EXOC2: variants seen among roughly 807,000 people sequenced by gnomAD.
EXOC2 encodes SEC5-like 1.
A neutral mutation model predicts 131.8 loss-of-function variants in EXOC2; 70 were observed. The observed-to-expected ratio is 0.53, with a 90% confidence interval of 0.44 to 0.65. EXOC2 has a LOEUF of 0.65. Among genes scored for constraint, EXOC2 ranks in the 30% least tolerant of loss-of-function variants. EXOC2 has a pLI of 0.00. For missense variants in EXOC2, 923 were observed against 1,108.6 expected, an observed-to-expected ratio of 0.83 and a Z score of 2.38; for synonymous variants, 411 against 398.4, an observed-to-expected ratio of 1.03 and a Z score of -0.38.
At chr6:511,331 G>A (rs964652467) in intron 23 of EXOC2, among the ~76,000 whole-genome samples, 1 of 152,000 alleles carries the variant, frequency 6.6e-6, no homozygotes, top group East Asian at 1.9e-4. Flanking sequence ...AGAAATAGCC[G>A]TAAAACCTTC....
chr6:599,854 G>GTT (rs11354127), intron 7 of EXOC2, among the ~76,000 whole-genome samples: 25 of 146,164 alleles, frequency 1.7e-4, no homozygotes, highest in Admixed American at 8.9e-4. Flanking sequence ...CATTTCCTAA[G>GTT]TTTTTTTTTT....
intron 2 of EXOC2, among the ~76,000 whole-genome samples, chr6:636,232 A>T (rs1762096745): frequency 6.6e-6 from 1 of 152,266 alleles, no homozygotes; most frequent in Admixed American, 6.5e-5. Flanking sequence ...CTGTGTGAGT[A>T]GATTTCTATG....
intron 11 of EXOC2, among the ~76,000 whole-genome samples, chr6:579,900 G>C (rs1429978479): frequency 1.3e-5 from 2 of 152,030 alleles, no homozygotes; most frequent in Non-Finnish European, 2.9e-5. Flanking sequence ...GAAAAAAACA[G>C]TTTCCATAAA....
At chr6:640,923 T>C (rs1180534875) in intron 1 of EXOC2, among the ~76,000 whole-genome samples, 1 of 151,856 alleles carries the variant, frequency 6.6e-6, no homozygotes, top group Non-Finnish European at 1.5e-5. Flanking sequence ...TAAAGTTTGA[T>C]ACCAAATTAA....
chr6:555,467 T>C (rs1757370619), intron 19 of EXOC2, among the ~76,000 whole-genome samples, 179 bp from the exon 20 acceptor site: 1 of 152,174 alleles, frequency 6.6e-6, no homozygotes, highest in Admixed American at 6.5e-5. Context: ...GACAGAAATA[T>C]ATATCCCAGC....
chr6:620,534 C>G (rs1761235617), intron 4 of EXOC2, among the ~76,000 whole-genome samples: 1 of 152,182 alleles, frequency 6.6e-6, no homozygotes, highest in African/African-American at 2.4e-5. Flanking sequence ...AGACACAGAT[C>G]ATTTGATAGG....
At chr6:667,900 T>C (rs1007903774) in intron 1 of EXOC2, among the ~76,000 whole-genome samples, 1 of 151,718 alleles carries the variant, frequency 6.6e-6, no homozygotes, top group African/African-American at 2.4e-5. Flanking sequence ...CATCCATCCA[T>C]CCATCCATCC....
intron 1 of EXOC2, among the ~76,000 whole-genome samples, chr6:647,909 C>T (rs1033456291): frequency 1.3e-5 from 2 of 151,992 alleles, no homozygotes; most frequent in East Asian, 3.9e-4. Context: ...GTCTGATCTA[C>T]TTTCTTATTT....
intron 6 of EXOC2, among the ~76,000 whole-genome samples, chr6:616,104 C>G (rs953146506): frequency 1.3e-5 from 2 of 152,158 alleles, no homozygotes; most frequent in African/African-American, 4.8e-5. Flanking sequence ...AAATTTGAAC[C>G]ATGTAATTCC....
intron 1 of EXOC2, among the ~76,000 whole-genome samples, chr6:688,739 T>A (rs146711232): frequency 9.3e-4 from 141 of 152,332 alleles, no homozygotes; most frequent in African/African-American, 3.2e-3. Flanking sequence ...CCACTCCTTG[T>A]ATATTCCCTA....
At chr6:645,572 G>C (rs1238493264) in intron 1 of EXOC2, among the ~76,000 whole-genome samples, 1 of 136,216 alleles carries the variant, frequency 7.3e-6, no homozygotes, top group Non-Finnish European at 1.6e-5. Flanking sequence ...TTTGCAATCT[G>C]ATAACAAAGG....
chr6:518,386 CAA>C (rs1260957726), intron 23 of EXOC2, among the ~76,000 whole-genome samples: 1 of 152,134 alleles, frequency 6.6e-6, no homozygotes, highest in Admixed American at 6.5e-5. Flanking sequence ...TTTCCATAAC[CAA>C]AAGTTTTTAA....
chr6:556,892 A>G (rs1430840119), intron 17 of EXOC2, among the ~76,000 whole-genome samples: 1 of 152,224 alleles, frequency 6.6e-6, no homozygotes, highest in Non-Finnish European at 1.5e-5. Context: ...TAATGAGTTT[A>G]TATTTTGAAT....
At chr6:534,433 CAG>C (rs34753404) in intron 22 of EXOC2, among the ~76,000 whole-genome samples, 336 of 147,382 alleles carry the variant, frequency 2.3e-3, no homozygotes, top group Admixed American at 2.4e-3. Context: ...GAGAGAGAGA[CAG>C]AGAGAGAGAG....
intron 23 of EXOC2, among the ~76,000 whole-genome samples, chr6:501,147 T>A (rs6597072): frequency 1.5e-4 from 7 of 47,902 alleles, no homozygotes; most frequent in African/African-American, 5.1e-4. Flanking sequence ...TCTATATATA[T>A]TATATATATC....
chr6:557,758 C>A (rs1476319464), intron 17 of EXOC2, among the ~76,000 whole-genome samples: 1 of 151,914 alleles, frequency 6.6e-6, no homozygotes, highest in Non-Finnish European at 1.5e-5. Flanking sequence ...GAGGGACCAG[C>A]CCTTTGAAGG....
At chr6:517,598 G>T (rs1242563950) in intron 23 of EXOC2, among the ~76,000 whole-genome samples, 5 of 152,110 alleles carry the variant, frequency 3.3e-5, no homozygotes, top group African/African-American at 1.2e-4. Context: ...ATAAGAAATA[G>T]ATTATGAAAA....
intron 26 of EXOC2, 28 bp downstream of exon 26, chr6:491,077 AACCTTTATTTTTAATAGAGC>A (rs1348716890): frequency 1.3e-6 from 2 of 1,581,820 alleles, no homozygotes; most frequent in East Asian, 4.5e-5. Context: ...CTAGTAAGAC[AACCTTTATTTTTAATAGAGC>A]ACTCAACTAA....
intron 13 of EXOC2, among the ~76,000 whole-genome samples, chr6:565,954 A>T (rs1757942967): frequency 6.6e-6 from 1 of 152,234 alleles, no homozygotes; most frequent in Non-Finnish European, 1.5e-5. Context: ...CAACAGAACT[A>T]TCAGACAAAC....
Sources: allele counts gnomAD v4.1 joint callset (sites outside exome capture counted in the v4.1 genomes callset), GRCh38; gene constraint gnomAD v4.1.1; transcripts MANE v1.5; gene names NCBI Gene and HGNC (gene_info 2026-07-23, HGNC 2026-07-21).